CCSER1: variants seen among roughly 807,000 people sequenced by gnomAD.
CCSER1 encodes serine-rich coiled-coil domain-containing protein 1.
Under a neutral mutation model 82.0 loss-of-function variants are expected in CCSER1, and 41 were observed. The observed-to-expected ratio is 0.50, with a 90% CI of 0.39 to 0.65. The LOEUF is 0.65. CCSER1 is among the 30% of genes least tolerant of loss of function. The pLI is 0.00. For missense variants in CCSER1, 1,119 were observed against 1,064.2 expected, an observed-to-expected ratio of 1.05 and a Z score of -0.72; for synonymous variants, 414 against 383.9, an observed-to-expected ratio of 1.08 and a Z score of -0.92.
At chr4:90,348,867 A>G (rs868381086) in intron 3 of CCSER1, among the ~76,000 whole-genome samples, 1 of 152,162 alleles carries the variant, frequency 6.6e-6, no homozygotes, top group African/African-American at 2.4e-5. Context: ...ACCACATTTT[A>G]ACTATCTGGA....
chr4:91,422,971 T>G (rs1328286945), intron 10 of CCSER1, among the ~76,000 whole-genome samples: 1 of 152,164 alleles, frequency 6.6e-6, no homozygotes, highest in Non-Finnish European at 1.5e-5. Flanking sequence ...TATTTGTGGT[T>G]GTGGCTACTA....
chr4:90,775,546 C>T, intron 7 of CCSER1, among the ~76,000 whole-genome samples: 1 of 152,084 alleles, frequency 6.6e-6, no homozygotes, highest in East Asian at 1.9e-4. Flanking sequence ...TTTTTAAATG[C>T]AGCAGTTTCT....
intron 9 of CCSER1, among the ~76,000 whole-genome samples, chr4:91,065,710 A>G (rs1394364813): frequency 2.0e-5 from 3 of 152,072 alleles, no homozygotes; most frequent in African/African-American, 7.2e-5. Context: ...GGGGATTAGT[A>G]TTTCATTTAC....
intron 4 of CCSER1, among the ~76,000 whole-genome samples, chr4:90,415,969 A>G (rs897389080): frequency 2.0e-5 from 3 of 152,172 alleles, no homozygotes; most frequent in African/African-American, 7.2e-5. Flanking sequence ...TTGGCAATTT[A>G]TAGCTGGAGA....
intron 10 of CCSER1, among the ~76,000 whole-genome samples, chr4:91,563,997 C>T (rs1161488567): frequency 6.6e-6 from 1 of 151,596 alleles, no homozygotes; most frequent in African/African-American, 2.4e-5. Context: ...GGTATTAAGC[C>T]CAGTACCCAG....
At chr4:91,327,220 G>T (rs918120072) in intron 10 of CCSER1, among the ~76,000 whole-genome samples, 10 of 152,200 alleles carry the variant, frequency 6.6e-5, no homozygotes, top group African/African-American at 2.4e-4. Flanking sequence ...TACCCCTGTA[G>T]CAAACTTCTG....
intron 1 of CCSER1, among the ~76,000 whole-genome samples, chr4:90,275,072 C>T (rs1031825241): frequency 1.3e-5 from 2 of 152,032 alleles, no homozygotes; most frequent in African/African-American, 2.4e-5. Context: ...CTAACTTTAT[C>T]GTACTTGGAA....
intron 1 of CCSER1, among the ~76,000 whole-genome samples, chr4:90,195,835 T>A (rs2153400463): frequency 6.6e-6 from 1 of 152,244 alleles, no homozygotes; most frequent in African/African-American, 2.4e-5. Flanking sequence ...GCAATATTTA[T>A]TTCAACACAG....
At chr4:90,844,083 T>C (rs1306839275) in intron 8 of CCSER1, among the ~76,000 whole-genome samples, 1 of 151,608 alleles carries the variant, frequency 6.6e-6, no homozygotes, top group Non-Finnish European at 1.5e-5. Flanking sequence ...ACCATTCAAA[T>C]CTCCTTCCTC....
chr4:90,245,114 A>C, intron 1 of CCSER1, among the ~76,000 whole-genome samples: 1 of 152,332 alleles, frequency 6.6e-6, no homozygotes, highest in Middle Eastern at 3.4e-3. Flanking sequence ...GCTTCTTTTA[A>C]TTTGAAATAT....
chr4:91,569,724 T>A (rs1763074999), intron 10 of CCSER1, among the ~76,000 whole-genome samples: 1 of 152,072 alleles, frequency 6.6e-6, no homozygotes. Context: ...CCAAAAAACA[T>A]GGGGATCATG....
intron 8 of CCSER1, among the ~76,000 whole-genome samples, chr4:90,915,508 T>C (rs62085946): frequency 2.0e-5 from 3 of 152,126 alleles, no homozygotes; most frequent in Non-Finnish European, 4.4e-5. Context: ...ATTGATGGGA[T>C]GTATCTCAAA....
intron 1 of CCSER1, among the ~76,000 whole-genome samples, chr4:90,269,895 C>T (rs555286166): frequency 1.2e-4 from 18 of 152,104 alleles, no homozygotes; most frequent in Admixed American, 9.2e-4. Flanking sequence ...CTTTGAGGAA[C>T]TATATGCTTA....
At chr4:90,556,790 C>A (rs1240786187) in intron 5 of CCSER1, among the ~76,000 whole-genome samples, 2 of 151,188 alleles carry the variant, frequency 1.3e-5, no homozygotes, top group East Asian at 3.9e-4. Context: ...GTGGCAGAGA[C>A]ATATAAGTGG....
At chr4:90,161,164 T>C (rs1291580844) in intron 1 of CCSER1, among the ~76,000 whole-genome samples, 2 of 152,198 alleles carry the variant, frequency 1.3e-5, no homozygotes, top group Non-Finnish European at 2.9e-5. Flanking sequence ...TTTTCTCTTA[T>C]ATGTTTGCTC....
intron 8 of CCSER1, among the ~76,000 whole-genome samples, chr4:90,827,748 T>C (rs2149809924): frequency 6.6e-6 from 1 of 152,270 alleles, no homozygotes; most frequent in East Asian, 1.9e-4. Flanking sequence ...AATTTTCTTT[T>C]GCCCTCTGAG....
rs71596538 is a variant in CCSER1, at chr4:90,919,089, TAAAAAA to T, written c.2095-4262_2095-4257del. On this transcript the variant is annotated intron_variant, in intron 8 of 10. Transcript: ENST00000509176. ...AAGTAATCTTAAATTGTTTCCACAG[TAAAAAA>T]AAAAAAAAAAAAAAAAAAGGACTTA... is the stretch of plus-strand genomic sequence containing the variant. 1.0e-3 allele frequency among the ~76,000 whole-genome samples: 91 copies of T among 87,202 alleles called. 1 individual carries two copies. The highest frequency in any genetic ancestry group is 2.3e-3 in the African/African-American group (62 of 27,206). The allele number at this position is 87,202 out of a possible 152,430, so 57.2% of individuals were successfully genotyped here. A position where few individuals can be genotyped will look rare whatever the true frequency, so the allele number is the denominator to read the frequency against.
intron 10 of CCSER1, among the ~76,000 whole-genome samples, chr4:91,211,027 T>A (rs1736773477): frequency 6.6e-6 from 1 of 152,022 alleles, no homozygotes; most frequent in African/African-American, 2.4e-5. Flanking sequence ...TTTAAGTTTG[T>A]TTCAAAATGA....
intron 5 of CCSER1, among the ~76,000 whole-genome samples, chr4:90,618,906 A>G (rs1203969531): frequency 3.3e-5 from 5 of 151,858 alleles, no homozygotes; most frequent in African/African-American, 1.2e-4. Flanking sequence ...TATTTCTTCC[A>G]CTAAACATAT....
Sources: gnomAD v4.1 joint callset for allele counts (sites outside exome capture counted in the v4.1 genomes callset) on GRCh38, gnomAD v4.1.1 for gene constraint, MANE v1.5 for transcripts, NCBI Gene and HGNC (gene_info 2026-07-23, HGNC 2026-07-21) for gene names.